DGKI: variants seen among roughly 807,000 people sequenced by gnomAD.
DGKI encodes the protein diacylglycerol kinase iota.
In DGKI, 55 loss-of-function variants were observed where a neutral mutation model predicts 147.5. That is an observed-to-expected ratio of 0.37 (90% CI 0.30 to 0.47). The LOEUF (loss-of-function observed/expected upper bound fraction) is 0.47, where lower values mean the gene tolerates loss of function less well. Among genes scored for constraint, DGKI ranks in the 20% least tolerant of loss-of-function variants. The pLI is 1.00. For synonymous variants in DGKI, 469 were observed against 477.1 expected (o/e 0.98, Z 0.22); for missense variants, 1,007 against 1,323.8 (o/e 0.76, Z 3.71).
At chr7:137,480,577 C>T (rs1265801159) in intron 23 of DGKI, among the ~76,000 whole-genome samples, 1 of 150,204 alleles carries the variant, frequency 6.7e-6, no homozygotes, top group Non-Finnish European at 1.5e-5. Flanking sequence ...AATGTAGACT[C>T]CGATCTGACC....
At chr7:137,599,776 A>G (rs374846782) in intron 11 of DGKI, 47 bp downstream of exon 11, 2 of 1,563,776 alleles carry the variant, frequency 1.3e-6, no homozygotes, top group African/African-American at 2.7e-5. Context: ...GAAAATTCTC[A>G]CTTGCCTAAA....
chr7:137,583,732 G>T (rs539180402), intron 14 of DGKI, among the ~76,000 whole-genome samples: 10 of 151,992 alleles, frequency 6.6e-5, no homozygotes, highest in Non-Finnish European at 1.5e-4. Context: ...AGTAGGAAAA[G>T]AAACTTACAA....
chr7:137,490,854 A>T (rs2128937800), intron 21 of DGKI, among the ~76,000 whole-genome samples: 1 of 152,340 alleles, frequency 6.6e-6, no homozygotes, highest in Non-Finnish European at 1.5e-5. Context: ...CTCAACCTTC[A>T]CAATGGAACT....
chr7:137,605,956 T>C (rs1021245140), intron 10 of DGKI, among the ~76,000 whole-genome samples: 2 of 152,198 alleles, frequency 1.3e-5, no homozygotes, highest in African/African-American at 4.8e-5. Context: ...GCTAGAAGAT[T>C]TGACATATTT....
At chr7:137,540,691 G>A (rs1646363) in intron 20 of DGKI, among the ~76,000 whole-genome samples, 134,486 of 141,536 alleles carry the variant, frequency 0.95, 63,751 homozygotes, top group Non-Finnish European at 0.99. Flanking sequence ...GTATCAAAAG[G>A]AAAAAAAAAT....
intron 1 of DGKI, among the ~76,000 whole-genome samples, chr7:137,734,774 G>A (rs1343450912): frequency 6.6e-6 from 1 of 152,046 alleles, no homozygotes; most frequent in African/African-American, 2.4e-5. Flanking sequence ...AATTTCCAAT[G>A]CAGCAACAGA....
intron 1 of DGKI, among the ~76,000 whole-genome samples, chr7:137,757,445 T>C (rs1402234568): frequency 6.6e-6 from 1 of 152,228 alleles, no homozygotes; most frequent in Admixed American, 6.5e-5. Flanking sequence ...GCTGGGATTC[T>C]GTGTTCAGCC....
intron 1 of DGKI, among the ~76,000 whole-genome samples, chr7:137,719,806 T>C (rs765937810): frequency 6.6e-6 from 1 of 152,138 alleles, no homozygotes; most frequent in Non-Finnish European, 1.5e-5. Context: ...GTAATGCCAA[T>C]AGTAAATTTT....
intron 19 of DGKI, among the ~76,000 whole-genome samples, chr7:137,559,673 T>C (rs936339210): frequency 4.0e-5 from 6 of 151,842 alleles, no homozygotes; most frequent in African/African-American, 9.7e-5. Flanking sequence ...TTAATGAAAG[T>C]AGATTCTAGT....
intron 25 of DGKI, among the ~76,000 whole-genome samples, chr7:137,466,486 AT>A (rs34097048): frequency 0.2 from 29,699 of 150,416 alleles, 6,657 homozygotes; most frequent in African/African-American, 0.56. Context: ...GGGCAAAACC[AT>A]TTTTTTTTTC....
In DGKI at chr7:137,846,413, G is replaced by T; in HGVS notation, c.401+49C>A. 1 of 1,425,226 alleles carries T rather than the reference G, an allele frequency of 7.0e-7. No individual in the cohort carries two copies. 88.3% of individuals were successfully genotyped at this position (1,425,226 alleles called of 1,614,324 possible). ...CGCCCCTTGCTGGGTAGAAGAGTGGGTCTCCCGCCGCGGCGCACCTGTCTC... is the reference window on the plus strand; with the variant it reads ...CGCCCCTTGCTGGGTAGAAGAGTGGTTCTCCCGCCGCGGCGCACCTGTCTC... On this transcript the variant is annotated intron_variant, in intron 1 of 32. Transcript: ENST00000614521. The surrounding 1 kb of genome is among the most constrained non-coding windows in gnomAD (Gnocchi z 4.0).
At chr7:137,660,655 C>T (rs1225123290) in intron 3 of DGKI, among the ~76,000 whole-genome samples, 4 of 152,200 alleles carry the variant, frequency 2.6e-5, no homozygotes, top group Non-Finnish European at 4.4e-5. Context: ...AACTACCTCC[C>T]TTGCCTAAGT....
At chr7:137,480,418 C>T (rs1473227306) in intron 23 of DGKI, among the ~76,000 whole-genome samples, 1 of 151,992 alleles carries the variant, frequency 6.6e-6, no homozygotes, top group Non-Finnish European at 1.5e-5. Flanking sequence ...ATAAGGACAG[C>T]CAGAATAAAG....
intron 20 of DGKI, chr7:137,545,951 A>C (rs1817850912): frequency 1.4e-6 from 1 of 702,840 alleles, no homozygotes; most frequent in East Asian, 2.7e-5. Context: ...CGCAGTTTGC[A>C]CCTGATGAAT....
At chr7:137,555,083 A>AT (rs1184581573) in intron 19 of DGKI, among the ~76,000 whole-genome samples, 1 of 151,346 alleles carries the variant, frequency 6.6e-6, no homozygotes, top group Non-Finnish European at 1.5e-5. Context: ...CACCCGGCTA[A>AT]TTTTTTGTAT....
At chr7:137,562,691 A>G (rs1446094850) in intron 19 of DGKI, among the ~76,000 whole-genome samples, 1 of 152,244 alleles carries the variant, frequency 6.6e-6, no homozygotes, top group African/African-American at 2.4e-5. Flanking sequence ...CAATTTAGAC[A>G]AAATAATGAA....
chr7:137,574,798 C>G (rs1461957103), intron 17 of DGKI, among the ~76,000 whole-genome samples: 1 of 152,084 alleles, frequency 6.6e-6, no homozygotes, highest in Non-Finnish European at 1.5e-5. Flanking sequence ...GAAAGTGGAA[C>G]AAATAATGGC....
chr7:137,444,193 G>A, intron 27 of DGKI, 91 bp from the exon 28 acceptor site: 2 of 779,870 alleles, frequency 2.6e-6, no homozygotes, highest in Non-Finnish European at 4.0e-6. Flanking sequence ...CCCTCAAATT[G>A]AATTAAATGG....
intron 18 of DGKI, among the ~76,000 whole-genome samples, chr7:137,572,447 C>T (rs1818826257): frequency 6.6e-6 from 1 of 152,078 alleles, no homozygotes; most frequent in Non-Finnish European, 1.5e-5. Flanking sequence ...TCAATTCTCT[C>T]ATTCTTAGAT....
Sources: allele counts gnomAD v4.1 joint callset (sites outside exome capture counted in the v4.1 genomes callset), GRCh38; gene constraint gnomAD v4.1.1; non-coding constraint Gnocchi (gnomAD v3.1); transcripts MANE v1.5; gene names NCBI Gene and HGNC (gene_info 2026-07-23, HGNC 2026-07-21).